Variants in WWTR1 observed in about 807,000 individuals in gnomAD.
The protein encoded by WWTR1 is WW domain containing transcription regulator 1.
WWTR1 carries 13 observed loss-of-function variants against 40.1 expected under a neutral mutation model. The ratio of observed to expected loss-of-function variants is 0.32; its 90% CI spans 0.21 to 0.52. The LOEUF (loss-of-function observed/expected upper bound fraction) is 0.52. WWTR1 is among the 20% of genes least tolerant of loss of function. WWTR1 has a pLI of 0.97. For missense variants in WWTR1, 436 were observed against 523.1 expected (o/e 0.83, Z 1.63); for synonymous variants, 230 against 210.1 (o/e 1.09, Z -0.82).
At chr3:149,522,018 G>C (rs1451940817) in intron 6 of WWTR1, among the ~76,000 whole-genome samples, 1 of 152,074 alleles carries the variant, frequency 6.6e-6, no homozygotes, top group African/African-American at 2.4e-5. Flanking sequence ...TGTCCTGAGA[G>C]AAAGAAAAAC....
In WWTR1 at chr3:149,648,589, G is replaced by A. The variant is rs567587955; in HGVS notation, c.431+8287C>T. On this transcript the variant is annotated intron_variant, in intron 2 of 6. Transcript: ENST00000360632. ...GGATGTGGCATCTAAGCTGATATCTGAAGGTAATGGAGGAGTTAAGCAGGC... is the reference window on the plus strand; with the variant it reads ...GGATGTGGCATCTAAGCTGATATCTAAAGGTAATGGAGGAGTTAAGCAGGC... Among the ~76,000 whole-genome samples, 6 of 152,164 alleles carry A rather than the reference G, an allele frequency of 3.9e-5. No homozygotes were observed. The South Asian group carries it at 1.2e-3, about 31-fold the overall frequency.
intron 1 of WWTR1, among the ~76,000 whole-genome samples, chr3:149,701,236 T>C (rs1715162031): frequency 6.6e-6 from 1 of 152,244 alleles, no homozygotes; most frequent in South Asian, 2.1e-4. Context: ...AAGTAAAGCA[T>C]GTGAATAAAC....
chr3:149,608,641 G>A lies in WWTR1; in HGVS notation c.432-35641C>T, dbSNP rs536247708. ...TGACCTCAAGTGGTCCGCCTGCCTT[G>A]GCCTCCCAAAGTGCTAGGATTACAG... On this transcript the variant is annotated intron_variant, in intron 2 of 6. Coordinates refer to ENST00000360632, the MANE Select transcript of WWTR1 (RefSeq NM_015472.6). Among the ~76,000 whole-genome samples the A allele has an allele frequency of 1.8e-4, 28 of 152,124 alleles. No individual in the cohort carries two copies. The South Asian group carries it at 5.4e-3, about 29-fold the overall frequency.
At position 149,531,210 on chromosome 3, in the gene WWTR1, C is replaced by G. The variant is rs1423002443; in HGVS notation, c.772-3241G>C. On this transcript the variant is annotated intron_variant, in intron 4 of 6. Transcript: ENST00000360632. ...TTGGCCTCCCAAAGTGCTGGGATTA[C>G]AGGCGTGAGCCACTGCACCCGGCCT... 4.6e-5 allele frequency among the ~76,000 whole-genome samples: 7 copies of G among 152,196 alleles called. No homozygotes were observed. In the East Asian group the frequency reaches 1.3e-3, roughly 29 times the overall value.
chr3:149,720,745 C>T (rs564000501), intron 4 of WWTR1, among the ~76,000 whole-genome samples: 41 of 152,086 alleles, frequency 2.7e-4, no homozygotes, highest in African/African-American at 6.3e-4. Flanking sequence ...TCTTCCAATC[C>T]GTGAACATGA....
intron 2 of WWTR1, among the ~76,000 whole-genome samples, chr3:149,592,885 C>T (rs1251302291): frequency 2.0e-5 from 3 of 152,056 alleles, no homozygotes; most frequent in Non-Finnish European, 4.4e-5. Flanking sequence ...GCCTTGAACC[C>T]AGCTGTTCAA....
chr3:149,698,828 G>T (rs1715078702), intron 1 of WWTR1, among the ~76,000 whole-genome samples: 1 of 152,202 alleles, frequency 6.6e-6, no homozygotes, highest in Non-Finnish European at 1.5e-5. Context: ...TTGAGCCAAG[G>T]CTGGAGCCAG....
intron 2 of WWTR1, among the ~76,000 whole-genome samples, chr3:149,597,962 T>C (rs1375652644): frequency 2.6e-5 from 4 of 152,226 alleles, no homozygotes; most frequent in African/African-American, 9.6e-5. Context: ...ATAAATGGGA[T>C]TGTAGTTAAA....
chr3:149,701,647 TC>T (rs1470524265), intron 1 of WWTR1: 1 of 176,152 alleles, frequency 5.7e-6, no homozygotes, highest in Non-Finnish European at 1.2e-5. Flanking sequence ...ACTCCTATGA[TC>T]GATTAAGGAA....
chr3:149,645,441 G>A (rs969873309), intron 2 of WWTR1, among the ~76,000 whole-genome samples: 1 of 152,066 alleles, frequency 6.6e-6, no homozygotes, highest in Admixed American at 6.6e-5. Flanking sequence ...TAAAATGCTG[G>A]GATTACAGGT....
chr3:149,625,211 T>C (rs1740490895), intron 2 of WWTR1, among the ~76,000 whole-genome samples: 1 of 148,202 alleles, frequency 6.7e-6, no homozygotes, highest in Non-Finnish European at 1.5e-5. Flanking sequence ...AAGCTCTGCC[T>C]CCCGGGTTCA....
chr3:149,656,692 G>A (rs1485058064), intron 2 of WWTR1, among the ~76,000 whole-genome samples, 184 bp downstream of exon 2: 3 of 151,674 alleles, frequency 2.0e-5, no homozygotes, highest in Non-Finnish European at 4.4e-5. Flanking sequence ...CCAACACTCA[G>A]AGACTCACTC....
chr3:149,670,259 G>T (rs1248219021), intron 1 of WWTR1, among the ~76,000 whole-genome samples: 1 of 152,162 alleles, frequency 6.6e-6, no homozygotes, highest in East Asian at 1.9e-4. Context: ...TTTTATCACA[G>T]TGCGTACAGA....
intron 2 of WWTR1, among the ~76,000 whole-genome samples, chr3:149,587,002 C>T (rs1229628283): frequency 6.6e-6 from 1 of 152,198 alleles, no homozygotes; most frequent in East Asian, 1.9e-4. Flanking sequence ...AACATTCTTT[C>T]TAATAAATGG....
intron 1 of WWTR1, among the ~76,000 whole-genome samples, chr3:149,675,960 T>C (rs1714245116): frequency 6.6e-6 from 1 of 152,178 alleles, no homozygotes; most frequent in South Asian, 2.1e-4. Flanking sequence ...CCGTCTCAGC[T>C]TCCCAAAGTG....
At chr3:149,578,914 G>C (rs1738016582) in intron 2 of WWTR1, among the ~76,000 whole-genome samples, 1 of 152,048 alleles carries the variant, frequency 6.6e-6, no homozygotes, top group Non-Finnish European at 1.5e-5. Flanking sequence ...GAATCCTCCA[G>C]CTTCTTACCA....
intron 3 of WWTR1, among the ~76,000 whole-genome samples, chr3:149,562,841 C>T (rs1357504096): frequency 6.6e-6 from 1 of 152,076 alleles, no homozygotes; most frequent in African/African-American, 2.4e-5. Context: ...TTTAGACTTC[C>T]AGAAAGGAAG....
rs58536558 is a variant in WWTR1, at chr3:149,565,928, CAAAAAAA to C, written c.568+6929_568+6935del. Among the ~76,000 whole-genome samples, 79 of 73,476 alleles carry C rather than the reference CAAAAAAA, an allele frequency of 1.1e-3. 1 individual carries two copies. The East Asian group carries it at 0.021, about 20-fold the overall frequency. The allele number at this position is 73,476 out of a possible 152,430, so 48.2% of individuals were successfully genotyped here. A position where few individuals can be genotyped will look rare whatever the true frequency, so the allele number is the denominator to read the frequency against. On this transcript the variant is annotated intron_variant, in intron 3 of 6. Transcript: ENST00000360632. ...GAGCAACAAGAGCGAAACTCTGTCTCAAAAAAAAAAAAAAAAAAAAGAATCTCCTCTT... is the reference window on the plus strand; with the variant it reads ...GAGCAACAAGAGCGAAACTCTGTCTCAAAAAAAAAAAAAGAATCTCCTCTT...
In WWTR1 at chr3:149,519,637, G is replaced by A. The variant is rs1209518780; in HGVS notation, c.*1168C>T. The A allele has an allele frequency of 6.6e-6, 1 of 152,150 alleles. No homozygotes were observed. The highest frequency in any genetic ancestry group is 1.9e-4 in the East Asian group (1 of 5,184). The allele number at this position is 152,150 out of a possible 1,614,324, so 9.4% of individuals were successfully genotyped here. ...TTTTGTCATCAGCTACAAAATTACA[G>A]TGCTTTATAAAATAAACATCAAGGC... is the stretch of plus-strand genomic sequence containing the variant. On this transcript the variant is annotated 3_prime_UTR_variant, in exon 7 of 7. Coordinates refer to ENST00000360632, the MANE Select transcript of WWTR1 (RefSeq NM_015472.6).
Sources: gnomAD v4.1 joint callset for allele counts (sites outside exome capture counted in the v4.1 genomes callset) on GRCh38, gnomAD v4.1.1 for gene constraint, MANE v1.5 for transcripts, NCBI Gene and HGNC (gene_info 2026-07-23, HGNC 2026-07-21) for gene names.